NTN4: variants seen among roughly 807,000 people sequenced by gnomAD.
NTN4 encodes the protein netrin-4.
A neutral mutation model predicts 73.6 loss-of-function variants in NTN4; 32 were observed. The ratio of observed to expected loss-of-function variants is 0.44; its 90% CI spans 0.33 to 0.58. The LOEUF (loss-of-function observed/expected upper bound fraction) is 0.58. NTN4 is among the 20% of genes least tolerant of loss of function. The pLI is 0.04. For missense variants in NTN4, 654 were observed against 798.3 expected (o/e 0.82, Z 2.18); for synonymous variants, 258 against 287.5 (o/e 0.90, Z 1.04).
intron 2 of NTN4, among the ~76,000 whole-genome samples, chr12:95,761,617 G>A (rs181647744): frequency 5.2e-4 from 79 of 152,240 alleles, no homozygotes; most frequent in African/African-American, 1.5e-3. Flanking sequence ...ACAGGCGTGA[G>A]CCACCGTGCC....
intron 9 of NTN4, 178 bp downstream of exon 9, chr12:95,665,632 G>T (rs2078173480): frequency 2.0e-6 from 1 of 495,872 alleles, no homozygotes. Flanking sequence ...ACATGGAAGA[G>T]AAATAATTTT....
chr12:95,738,553 CAG>C (rs2078799212), intron 2 of NTN4, among the ~76,000 whole-genome samples: 1 of 152,116 alleles, frequency 6.6e-6, no homozygotes, highest in Admixed American at 6.5e-5. Flanking sequence ...GAGAGGCGGA[CAG>C]AGAGCAGGTG....
At chr12:95,680,367 T>C (rs964878310) in intron 7 of NTN4, among the ~76,000 whole-genome samples, 8 of 152,206 alleles carry the variant, frequency 5.3e-5, no homozygotes, top group Admixed American at 3.3e-4. Flanking sequence ...TAAAGACAGG[T>C]ACTTCTATAA....
At chr12:95,774,185 T>TA (rs150561959) in intron 2 of NTN4, among the ~76,000 whole-genome samples, 61,724 of 134,988 alleles carry the variant, frequency 0.46, 13,042 homozygotes, top group Middle Eastern at 0.5. Context: ...CTTTTTTTTT[T>TA]TAAAAAAAAA....
chr12:95,770,992 G>GTTTTGTTTTTATTTTTTT (rs1555221586), intron 2 of NTN4, among the ~76,000 whole-genome samples: 3 of 70,832 alleles, frequency 4.2e-5, no homozygotes, highest in Non-Finnish European at 6.7e-5. Context: ...AAAAGAATTT[G>GTTTTGTTTTTATTTTTTT]TTTTTTTTTT....
At position 95,790,261 on chromosome 12, in the gene NTN4, C is replaced by T. The variant is rs771574022; in HGVS notation, c.49G>A (p.Ala17Thr). Reference protein sequence around the residue: ...LLLLWGCTVVAAGLSGVAGVS... With the variant: ...LLLLWGCTVVTAGLSGVAGVS... Reference sequence around the variant, plus strand: ...CCGCCGCGTCACCACCCACCTGCGGCCACCACCGTGCAGCCCCAGAGCAGC... The same window carrying T: ...CCGCCGCGTCACCACCCACCTGCGGTCACCACCGTGCAGCCCCAGAGCAGC... The change falls in exon 1 of 10, where the codon GCC becomes ACC. Residue 17 changes from alanine (A) to threonine (T), a missense_variant. Coordinates refer to ENST00000343702, the MANE Select transcript of NTN4 (RefSeq NM_021229.4). This position sits in a 1 kb window ranked among gnomAD's most constrained non-coding sequence, Gnocchi z 6.5. The T allele has an allele frequency of 3.5e-5, 54 of 1,535,332 alleles. No homozygotes were observed. In the South Asian group the frequency reaches 6.4e-4, roughly 18 times the overall value.
At chr12:95,740,804 C>G (rs930724030) in intron 2 of NTN4, among the ~76,000 whole-genome samples, 2 of 152,120 alleles carry the variant, frequency 1.3e-5, no homozygotes, top group Non-Finnish European at 2.9e-5. Context: ...TTCCAAGTCA[C>G]TAAGTGTATC....
intron 2 of NTN4, among the ~76,000 whole-genome samples, chr12:95,763,721 C>A (rs750976259): frequency 6.6e-6 from 1 of 152,174 alleles, no homozygotes; most frequent in African/African-American, 2.4e-5. Context: ...CTTTCTTTTT[C>A]CAATTTTATT....
intron 2 of NTN4, among the ~76,000 whole-genome samples, chr12:95,777,471 C>T (rs550415887): frequency 6.6e-6 from 1 of 152,140 alleles, no homozygotes; most frequent in East Asian, 1.9e-4. Context: ...GGAAGATCTA[C>T]CAAGCAAATG....
chr12:95,786,954 T>G lies in NTN4; in HGVS notation c.570A>C (p.Pro190=). Residue 190 remains proline, a synonymous_variant, in exon 2 of 10, where the codon CCA becomes CCC. Coordinates refer to ENST00000343702, the MANE Select transcript of NTN4 (RefSeq NM_021229.4). ...GTGCCCTTACCTCTCCTCCAGTGCA[T>G]GGAAAAGGACTGGAGTATTTAGAAG... ...ICTSKYSSPF[P]CTGGEVIFKA... 1 of 1,614,056 alleles carries G rather than the reference T, an allele frequency of 6.2e-7. No individual in the cohort carries two copies. Among genetic ancestry groups the G allele is most frequent in the South Asian group, 1.1e-5 (1 of 91,080 alleles).
At chr12:95,679,192 C>G (rs781322301) in intron 7 of NTN4, among the ~76,000 whole-genome samples, 3 of 151,966 alleles carry the variant, frequency 2.0e-5, no homozygotes, top group East Asian at 3.9e-4. Context: ...AAAATTCACA[C>G]GAAAGGCAAA....
chr12:95,710,716 G>T, intron 4 of NTN4, 87 bp from the exon 5 acceptor site: 1 of 1,320,470 alleles, frequency 7.6e-7, no homozygotes. Flanking sequence ...AAAATAGGAT[G>T]AGTTGGCCAG....
At chr12:95,744,833 C>CTTTTT (rs59086846) in intron 2 of NTN4, among the ~76,000 whole-genome samples, 1 of 118,260 alleles carries the variant, frequency 8.5e-6, no homozygotes, top group African/African-American at 3.1e-5. Flanking sequence ...TGGTGAAAAA[C>CTTTTT]TTTTTTTTTT....
At chr12:95,779,822 G>A (rs1048678791) in intron 2 of NTN4, among the ~76,000 whole-genome samples, 13 of 152,040 alleles carry the variant, frequency 8.6e-5, no homozygotes, top group African/African-American at 2.9e-4. Context: ...AGTTCATATG[G>A]AACCAAAAAA....
chr12:95,672,236 G>T (rs1166961464), intron 7 of NTN4: 1 of 616,944 alleles, frequency 1.6e-6, no homozygotes, highest in African/African-American at 1.9e-5. Flanking sequence ...GAGGGGAGGC[G>T]GGGGCAGGGG....
intron 3 of NTN4, among the ~76,000 whole-genome samples, chr12:95,733,650 T>C (rs1348727823): frequency 6.6e-6 from 1 of 152,166 alleles, no homozygotes; most frequent in African/African-American, 2.4e-5. Flanking sequence ...TACCAGGGTC[T>C]TAATCATCAC....
intron 3 of NTN4, among the ~76,000 whole-genome samples, chr12:95,718,772 G>T (rs58059179): frequency 0.29 from 43,572 of 152,050 alleles, 7,352 homozygotes; most frequent in South Asian, 0.46. Context: ...CATCTATATT[G>T]ACTATACTTA....
rs576668942 is a variant in NTN4, at chr12:95,687,137, C to T, written c.1181-3426G>A. Among the ~76,000 whole-genome samples, 20 of 151,434 alleles carry T rather than the reference C, an allele frequency of 1.3e-4. No homozygotes were observed. The South Asian group carries it at 4.2e-3, about 32-fold the overall frequency. ...AGCCACTCTCTCCTCTAAGCTGCCTCTTTGCATATATTTCTATTTTGTCCC... is the reference window on the plus strand; with the variant it reads ...AGCCACTCTCTCCTCTAAGCTGCCTTTTTGCATATATTTCTATTTTGTCCC... On this transcript the variant is annotated intron_variant, in intron 5 of 9. Coordinates refer to ENST00000343702, the MANE Select transcript of NTN4 (RefSeq NM_021229.4).
In NTN4 at chr12:95,789,976, A is replaced by G. The variant is rs999010881; in HGVS notation, c.55+279T>C. ...CAAGTGGAAAAGCAGTTTTTTAACA[A>G]GCCAAACCAAGAAAGAAACCCCGGT... On this transcript the variant is annotated intron_variant, in intron 1 of 9. Coordinates refer to ENST00000343702, the MANE Select transcript of NTN4 (RefSeq NM_021229.4). This position sits in a 1 kb window ranked among gnomAD's most constrained non-coding sequence, Gnocchi z 4.0. The G allele has an allele frequency of 2.3e-5, 9 of 385,592 alleles. No homozygotes were observed. The highest frequency in any genetic ancestry group is 3.7e-5 in the Non-Finnish European group (8 of 216,708). 23.9% of individuals were successfully genotyped at this position (385,592 alleles called of 1,614,324 possible).
Sources: gnomAD v4.1 joint callset for allele counts (sites outside exome capture counted in the v4.1 genomes callset) on GRCh38, gnomAD v4.1.1 for gene constraint, Gnocchi (gnomAD v3.1) non-coding constraint, MANE v1.5 for transcripts, NCBI Gene and HGNC (gene_info 2026-07-23, HGNC 2026-07-21) for gene names.